IZUMO1R: variants seen among roughly 807,000 people sequenced by gnomAD.
IZUMO1R encodes the protein IZUMO1 receptor, JUNO, also known as sperm-egg fusion protein Juno.
In IZUMO1R, 24 loss-of-function variants were observed where a neutral mutation model predicts 22.1. The observed-to-expected ratio is 1.09, with a 90% CI of 0.79 to 1.53. IZUMO1R has a LOEUF of 1.53. IZUMO1R is among the 40% of genes most tolerant of loss of function. IZUMO1R has a pLI of 0.00. For missense variants in IZUMO1R, 308 were observed against 314.9 expected (o/e 0.98, Z 0.17); for synonymous variants, 133 against 121.2 (o/e 1.10, Z -0.64).
In IZUMO1R at chr11:94,307,406, C is replaced by G. The variant is rs758970847; in HGVS notation, c.485-18C>G. On this transcript the variant is annotated intron_variant, in intron 4 of 4. Coordinates refer to ENST00000687084, the MANE Select transcript of IZUMO1R (RefSeq NM_001199206.4). ...TGAGGGAGTAGGAGGTAAGCTGTCC[C>G]TCCTCCATCCCCTGCAGGGAAGAAC... 217 of 1,613,410 alleles carry G rather than the reference C, an allele frequency of 1.3e-4. No individual in the cohort carries two copies. In the Middle Eastern group the frequency reaches 1.8e-3, roughly 13 times the overall value.
Position 94,307,319 on chromosome 11 carries a change from G to T in IZUMO1R, c.484+19G>T, listed in dbSNP as rs1275704180. The T allele has an allele frequency of 6.2e-7, 1 of 1,612,934 alleles. No individual in the cohort carries two copies. The highest frequency in any genetic ancestry group is 1.7e-5 in the Admixed American group (1 of 59,834). On this transcript the variant is annotated intron_variant, in intron 4 of 4. Coordinates refer to ENST00000687084, the MANE Select transcript of IZUMO1R (RefSeq NM_001199206.4). ...AGTCAGGGTGAGTGGTGCTGACAAG[G>T]CCTTGGTCGGGAAGAGGCCCCTTGG...
intron 4 of IZUMO1R, 51 bp downstream of exon 4, chr11:94,307,351 C>G: frequency 6.2e-7 from 1 of 1,611,776 alleles, no homozygotes; most frequent in Non-Finnish European, 8.5e-7. Flanking sequence ...TTGGTGGTCC[C>G]CACAAGGGTG....
chr11:94,305,544 C>A, intron 1 of IZUMO1R, 87 bp from the exon 2 acceptor site: 2 of 1,478,572 alleles, frequency 1.4e-6, no homozygotes, highest in Non-Finnish European at 9.3e-7. Context: ...GATTGAAGCC[C>A]ATCCCCCTTT....
At chr11:94,305,462 C>T in intron 1 of IZUMO1R, 169 bp from the exon 2 acceptor site, 1 of 747,842 alleles carries the variant, frequency 1.3e-6, no homozygotes, top group Non-Finnish European at 2.2e-6. Flanking sequence ...TTCTACCTGC[C>T]CTGACATTCT....
rs1040269157 is a variant in IZUMO1R at position 94,307,902 on chromosome 11, C to A, written c.*210C>A. ...AGGCTTCAGCGGCTGGTGCCTGCAA[C>A]CTGCACATTTGGTCCGAGACCCCCT... On this transcript the variant is annotated 3_prime_UTR_variant, in exon 5 of 5. Coordinates refer to ENST00000687084, the MANE Select transcript of IZUMO1R (RefSeq NM_001199206.4). Among the ~76,000 whole-genome samples the A allele has an allele frequency of 6.6e-6, 1 of 151,758 alleles. No homozygotes were observed. Among genetic ancestry groups the A allele is most frequent in the Non-Finnish European group, 1.5e-5 (1 of 67,916 alleles).
At chr11:94,306,897 A>C (rs997137727) in intron 3 of IZUMO1R, among the ~76,000 whole-genome samples, 175 bp downstream of exon 3, 1 of 152,134 alleles carries the variant, frequency 6.6e-6, no homozygotes, top group African/African-American at 2.4e-5. Context: ...CTGTTCTGAC[A>C]ACAGTGGGAT....
rs988894595 is a variant in IZUMO1R at position 94,306,583 on chromosome 11, C to T, written c.209C>T (p.Pro70Leu). 6 of 1,613,884 alleles carry T rather than the reference C, an allele frequency of 3.7e-6. No individual in the cohort carries two copies. The highest frequency in any genetic ancestry group is 1.1e-5 in the South Asian group (1 of 91,088). The change falls in exon 3 of 5, where the codon CCA (proline) becomes CTA (leucine). Residue 70 changes from proline to leucine, a missense_variant. Physicochemically the swap from Pro to Leu is moderately conservative, Grantham distance 98. Transcript: ENST00000687084. ...TSWEAHLDVS[P>L]LYNFSLFHCG... ...TGGGAAGCCCATCTGGATGTATCCC[C>T]ACTCTACAACTTCAGCCTGTTTCAC...
At chr11:94,306,416 C>G in intron 2 of IZUMO1R, 97 bp from the exon 3 acceptor site, 1 of 1,192,232 alleles carries the variant, frequency 8.4e-7, no homozygotes, top group South Asian at 1.2e-5. Flanking sequence ...GCTCAGGCCT[C>G]CTAAGGGACA....
rs1363918557 is a variant in IZUMO1R at position 94,307,619 on chromosome 11, C to G, written c.680C>G (p.Ala227Gly). ...AATGTGGCCGTGGCCCGCCTCTTCG[C>G]CAGCTCTGCCCCATCCTGGGAACTG... ...NPNVAVARLF[A>G]SSAPSWELSY... Residue 227 changes from alanine to glycine, a missense_variant, in exon 5 of 5, where the codon GCC (alanine) becomes GGC (glycine). By Grantham distance (60) the Ala-to-Gly change is moderately conservative. Coordinates refer to ENST00000687084, the MANE Select transcript of IZUMO1R (RefSeq NM_001199206.4). 1 of 1,613,794 alleles carries G rather than the reference C, an allele frequency of 6.2e-7. No individual in the cohort carries two copies. The highest frequency in any genetic ancestry group is 1.3e-5 in the African/African-American group (1 of 74,930).
chr11:94,306,418 TA>T, intron 2 of IZUMO1R, 94 bp from the exon 3 acceptor site: 1 of 1,218,252 alleles, frequency 8.2e-7, no homozygotes, highest in Non-Finnish European at 1.2e-6. Flanking sequence ...TCAGGCCTCC[TA>T]AGGGACATTT....
intron 1 of IZUMO1R, 150 bp from the exon 2 acceptor site, chr11:94,305,481 G>C: frequency 1.2e-6 from 1 of 856,116 alleles, no homozygotes; most frequent in Non-Finnish European, 1.8e-6. Flanking sequence ...CTGTGATGCT[G>C]CCTCCAAAAG....
chr11:94,305,307 T>C (rs1235384388), intron 1 of IZUMO1R, among the ~76,000 whole-genome samples: 1 of 152,160 alleles, frequency 6.6e-6, no homozygotes, highest in Non-Finnish European at 1.5e-5. Flanking sequence ...GAGTTGGAAA[T>C]AGGAAGGGCC....
At chr11:94,306,087 G>A (rs1053310939) in intron 2 of IZUMO1R, among the ~76,000 whole-genome samples, 11 of 151,758 alleles carry the variant, frequency 7.2e-5, no homozygotes, top group African/African-American at 2.7e-4. Context: ...TATGACTTAT[G>A]TGACCCCTCC....
chr11:94,305,617 G>A lies in IZUMO1R; in HGVS notation c.-6-14G>A, dbSNP rs527939561. 3.1e-6 allele frequency: 5 copies of A among 1,611,918 alleles called. No homozygotes were observed. The highest frequency in any genetic ancestry group is 2.2e-5 in the South Asian group (2 of 90,826). On this transcript the variant is annotated splice_polypyrimidine_tract_variant and intron_variant, in intron 1 of 4. Transcript: ENST00000687084. ...GTCATTTCCATCAAGTGTGCAGCAT[G>A]GGTCTCTCTGTAGCAGGCCATGGCA...
chr11:94,307,247 G>A lies in IZUMO1R; in HGVS notation c.431G>A (p.Arg144His), dbSNP rs759451248. Residue 144 changes from arginine (R) to histidine (H), a missense_variant, in exon 4 of 5, where the codon CGC (arginine) becomes CAC (histidine). Physicochemically the swap from Arg to His is conservative, Grantham distance 29. Transcript: ENST00000687084. ...EDCEEWWEDC[R>H]MSYTCKSNWR... ...TGTGAGGAGTGGTGGGAAGACTGTCGCATGTCTTACACATGCAAATCCAAC... is the reference window on the plus strand; with the variant it reads ...TGTGAGGAGTGGTGGGAAGACTGTCACATGTCTTACACATGCAAATCCAAC... 1.6e-5 allele frequency: 25 copies of A among 1,609,680 alleles called. No individual in the cohort carries two copies. The highest frequency in any genetic ancestry group is 9.3e-5 in the African/African-American group (7 of 74,888).
rs33998335 is a variant in IZUMO1R, at chr11:94,304,837, G to C, written c.-49G>C. Among the ~76,000 whole-genome samples the C allele has an allele frequency of 2.6e-5, 4 of 152,178 alleles. No individual in the cohort carries two copies. Among genetic ancestry groups the C allele is most frequent in the Admixed American group, 6.5e-5 (1 of 15,278 alleles). The stretch of plus-strand genomic sequence containing the variant: ...ACTCCCCTCAGCCTCATAGTCTCAG[G>C]GGGAGGAGGGAGCAGGAGCACCTGA... On this transcript the variant is annotated 5_prime_UTR_variant, in exon 1 of 5. Coordinates refer to ENST00000687084, the MANE Select transcript of IZUMO1R (RefSeq NM_001199206.4).
In IZUMO1R at chr11:94,304,763, C is replaced by A. The variant is rs974987457; in HGVS notation, c.-123C>A. 2.6e-5 allele frequency among the ~76,000 whole-genome samples: 4 copies of A among 152,024 alleles called. No individual in the cohort carries two copies. Among genetic ancestry groups the A allele is most frequent in the Admixed American group, 6.6e-5 (1 of 15,266 alleles). On this transcript the variant is annotated 5_prime_UTR_variant, in exon 1 of 5. Coordinates refer to ENST00000687084, the MANE Select transcript of IZUMO1R (RefSeq NM_001199206.4). ...AGCCACGTGGAGTTCTCCTCCTGCA[C>A]CTGGACCTAGTAGAAATCAGACTGG...
chr11:94,307,172 C>G lies in IZUMO1R; in HGVS notation c.356C>G (p.Pro119Arg), dbSNP rs202165897. ...GGCTATGACTGCACCCAGGTGGCCC[C>G]GAGTGGGCAGGGAGAGCGAGTTGTG... Reference protein sequence around the residue: ...PVGSLGWEVAPSGQGERVVNV... With the variant: ...PVGSLGWEVARSGQGERVVNV... The change falls in exon 4 of 5, where the codon CCG becomes CGG. Residue 119 changes from proline (P) to arginine (R), a missense_variant. Pro to Arg is a moderately radical substitution (Grantham distance 103). Coordinates refer to ENST00000687084, the MANE Select transcript of IZUMO1R (RefSeq NM_001199206.4). 1.3e-6 allele frequency: 2 copies of G among 1,595,566 alleles called. No individual in the cohort carries two copies. Among genetic ancestry groups the G allele is most frequent in the Non-Finnish European group, 1.7e-6 (2 of 1,170,968 alleles).
At position 94,304,621 on chromosome 11, in the gene IZUMO1R, T is replaced by C. The variant is rs1417181701; in HGVS notation, c.-265T>C. Among the ~76,000 whole-genome samples the C allele has an allele frequency of 6.6e-6, 1 of 152,068 alleles. No individual in the cohort carries two copies. The highest frequency in any genetic ancestry group is 1.9e-4 in the East Asian group (1 of 5,182). Reference sequence around the variant, plus strand: ...TAGCAGAGCTGACAGCCGAACCCGGTAACTTATTGTAGAGCCCCGGATCTT... The same window carrying C: ...TAGCAGAGCTGACAGCCGAACCCGGCAACTTATTGTAGAGCCCCGGATCTT... On this transcript the variant is annotated 5_prime_UTR_variant, in exon 1 of 5. Transcript: ENST00000687084.
Sources: allele counts gnomAD v4.1 joint callset (sites outside exome capture counted in the v4.1 genomes callset), GRCh38; gene constraint gnomAD v4.1.1; transcripts MANE v1.5; gene names NCBI Gene and HGNC (gene_info 2026-07-23, HGNC 2026-07-21).